ZFYVE9: variants seen among roughly 807,000 people sequenced by gnomAD.
ZFYVE9 encodes the protein zinc finger FYVE-type containing 9.
Under a neutral mutation model 126.7 loss-of-function variants are expected in ZFYVE9, and 43 were observed. The observed-to-expected ratio is 0.34, with a 90% CI of 0.27 to 0.44. The LOEUF (loss-of-function observed/expected upper bound fraction) is 0.44, where lower values mean the gene tolerates loss of function less well. Ranked by LOEUF, ZFYVE9 falls within the 20% of genes least tolerant of loss-of-function variation. ZFYVE9 has a pLI of 1.00. For missense variants in ZFYVE9, 1,476 were observed against 1,697.0 expected (o/e 0.87, Z 2.29); for synonymous variants, 521 against 597.4 (o/e 0.87, Z 1.87).
rs1557498500 is a variant in ZFYVE9, at chr1:52,281,654, T to C, written c.2870-7T>C. On this transcript the variant is annotated splice_polypyrimidine_tract_variant and splice_region_variant and intron_variant, in intron 9 of 18. Transcript: ENST00000287727. ...TCTTTATTTTTGTGTTTTTATTCCA[T>C]CTGTAGATGTGAACAGGAAGTGCTG... is the stretch of plus-strand genomic sequence containing the variant. The C allele has an allele frequency of 1.2e-6, 2 of 1,612,282 alleles. No homozygotes were observed. The highest frequency in any genetic ancestry group is 1.7e-6 in the Non-Finnish European group (2 of 1,179,652).
intron 16 of ZFYVE9, among the ~76,000 whole-genome samples, chr1:52,338,256 C>G (rs1023118656): frequency 7.2e-5 from 11 of 152,166 alleles, no homozygotes; most frequent in African/African-American, 2.7e-4. Context: ...TTGTTTGATA[C>G]AATAACAGGT....
chr1:52,149,092 T>C (rs1644331143), intron 1 of ZFYVE9, among the ~76,000 whole-genome samples: 1 of 149,444 alleles, frequency 6.7e-6, no homozygotes. Flanking sequence ...GCCTCTCGAG[T>C]AGCTGTTACT....
At position 52,281,728 on chromosome 1, in the gene ZFYVE9, C is replaced by A; in HGVS notation, c.2937C>A (p.Val979=). Residue 979 remains valine (V), a synonymous_variant, in exon 10 of 19, where the codon GTC becomes GTA. Transcript: ENST00000287727. ...GMHAVGQSEI[V]ILLQCLPDEK... is the part of the protein sequence containing the mutation. Reference sequence around the variant, plus strand: ...ATGCAGTGGGTCAGTCTGAGATAGTCATTCTTCTACAGTGTTTACCGGATG... The same window carrying A: ...ATGCAGTGGGTCAGTCTGAGATAGTAATTCTTCTACAGTGTTTACCGGATG... 4 of 1,614,150 alleles carry A rather than the reference C, an allele frequency of 2.5e-6. No homozygotes were observed. The highest frequency in any genetic ancestry group is 3.4e-6 in the Non-Finnish European group (4 of 1,180,022).
At chr1:52,253,879 G>T (rs1370347635) in intron 4 of ZFYVE9, 1 of 1,190,748 alleles carries the variant, frequency 8.4e-7, no homozygotes, top group Non-Finnish European at 1.3e-6. Context: ...CAAATCTGAT[G>T]AAAGCTATAC....
chr1:52,259,675 T>A (rs1459731368), intron 4 of ZFYVE9, among the ~76,000 whole-genome samples: 1 of 149,370 alleles, frequency 6.7e-6, no homozygotes, highest in African/African-American at 2.5e-5. Flanking sequence ...TGCACACCTG[T>A]AATCCCAGCT....
Position 52,323,351 on chromosome 1 carries a change from C to T in ZFYVE9, c.3439-9417C>T, listed in dbSNP as rs969387546. Among the ~76,000 whole-genome samples the T allele has an allele frequency of 3.9e-5, 6 of 152,266 alleles. No homozygotes were observed. In the East Asian group the frequency reaches 9.7e-4, roughly 25 times the overall value. On this transcript the variant is annotated intron_variant, in intron 13 of 18. Transcript: ENST00000287727. ...AGTCCTCCTTCCATGTTTTATTTTT[C>T]TCTGTAGCACTTGTCATTGTATAAT...
intron 4 of ZFYVE9, chr1:52,253,645 C>G (rs532690267): frequency 1.3e-6 from 2 of 1,505,494 alleles, no homozygotes; most frequent in Non-Finnish European, 1.8e-6. Flanking sequence ...CAAGGCACCT[C>G]CTGGTACTGA....
intron 13 of ZFYVE9, among the ~76,000 whole-genome samples, chr1:52,316,124 C>G (rs530562943): frequency 1.4e-4 from 16 of 114,690 alleles, no homozygotes; most frequent in African/African-American, 5.1e-4. Flanking sequence ...GAGATCCTGC[C>G]ATTGCACTTC....
At chr1:52,322,092 A>G (rs887270694) in intron 13 of ZFYVE9, among the ~76,000 whole-genome samples, 4 of 152,164 alleles carry the variant, frequency 2.6e-5, no homozygotes, top group African/African-American at 4.8e-5. Flanking sequence ...TGGTCATCTT[A>G]CAGGCTTCTC....
chr1:52,300,494 G>A (rs1646023150), intron 12 of ZFYVE9, among the ~76,000 whole-genome samples: 1 of 151,906 alleles, frequency 6.6e-6, no homozygotes, highest in Admixed American at 6.6e-5. Flanking sequence ...AGGAGGCTGA[G>A]CCAGGAGAAT....
chr1:52,223,247 T>A (rs1451841701), intron 2 of ZFYVE9, among the ~76,000 whole-genome samples: 1 of 152,184 alleles, frequency 6.6e-6, no homozygotes, highest in East Asian at 1.9e-4. Flanking sequence ...TGTCCTGGCT[T>A]TCCACACTAG....
intron 1 of ZFYVE9, chr1:52,162,715 T>C (rs1644473928): frequency 3.3e-6 from 1 of 305,784 alleles, no homozygotes; most frequent in Non-Finnish European, 6.5e-6. Flanking sequence ...CTTCTCTGGT[T>C]AGACATTGGA....
chr1:52,286,682 C>G (rs2147822146), intron 10 of ZFYVE9, among the ~76,000 whole-genome samples: 1 of 152,274 alleles, frequency 6.6e-6, no homozygotes, highest in Admixed American at 6.5e-5. Flanking sequence ...GGACTTGTAT[C>G]TACCAGATTG....
intron 1 of ZFYVE9, among the ~76,000 whole-genome samples, chr1:52,156,710 G>C (rs138345902): frequency 1.2e-4 from 19 of 152,190 alleles, no homozygotes; most frequent in African/African-American, 4.3e-4. Context: ...CTTGGTTCCT[G>C]TATTTCTACT....
intron 4 of ZFYVE9, chr1:52,253,722 A>G (rs750573632): frequency 4.4e-6 from 7 of 1,607,064 alleles, no homozygotes; most frequent in Non-Finnish European, 6.0e-6. Context: ...GGTCACTCTC[A>G]TCTTGCAAAC....
chr1:52,310,138 A>C (rs1646124534), intron 13 of ZFYVE9, among the ~76,000 whole-genome samples: 1 of 151,826 alleles, frequency 6.6e-6, no homozygotes, highest in African/African-American at 2.4e-5. Flanking sequence ...TGTCCGGCCA[A>C]ATTTTCTGTT....
chr1:52,319,736 C>G lies in ZFYVE9; in HGVS notation c.3439-13032C>G, dbSNP rs186453443. On this transcript the variant is annotated intron_variant, in intron 13 of 18. Transcript: ENST00000287727. ...CAACTTTGAAAAAGAACATAATAGC[C>G]AGGCGCAGTGGCTCAGGCCTGTAAT... 1.9e-3 allele frequency among the ~76,000 whole-genome samples: 294 copies of G among 151,724 alleles called. 5 individuals carry two copies. Among genetic ancestry groups the G allele is most frequent in the Admixed American group, 0.016 (251 of 15,230 alleles).
rs1318902934 is a variant in ZFYVE9, at chr1:52,198,118, T to TTG, written c.-142-18249_-142-18248dup. 4.9e-3 allele frequency among the ~76,000 whole-genome samples: 181 copies of TTG among 37,228 alleles called. 6 individuals carry two copies. The East Asian group carries it at 0.069, about 14-fold the overall frequency. 24.4% of individuals were successfully genotyped at this position (37,228 alleles called of 152,430 possible). A position where few individuals can be genotyped will look rare whatever the true frequency, so the allele number is the denominator to read the frequency against. Reference sequence around the variant, plus strand: ...TTAAATAATATTGTAGTGTTTTTTTTTGTTTGTTTTTTTTTTTTTTTGAGA... The same window carrying TTG: ...TTAAATAATATTGTAGTGTTTTTTTTTGTGTTTGTTTTTTTTTTTTTTTGAGA... On this transcript the variant is annotated intron_variant, in intron 1 of 18. Transcript: ENST00000287727.
At chr1:52,184,209 A>T (rs935233819) in intron 1 of ZFYVE9, among the ~76,000 whole-genome samples, 1 of 143,866 alleles carries the variant, frequency 7.0e-6, no homozygotes, top group African/African-American at 2.6e-5. Context: ...ATATATATAT[A>T]TTTATATATA....
Sources: gnomAD v4.1 joint callset for allele counts (sites outside exome capture counted in the v4.1 genomes callset) on GRCh38, gnomAD v4.1.1 for gene constraint, MANE v1.5 for transcripts, NCBI Gene and HGNC (gene_info 2026-07-23, HGNC 2026-07-21) for gene names.